SMARCA1: variants seen among roughly 807,000 people sequenced by gnomAD.
SMARCA1 encodes SNF2 related chromatin remodeling ATPase 1, also known as SWI/SNF-related matrix-associated actin-dependent regulator of chromatin subfamily A member 1.
A neutral mutation model predicts 93.6 loss-of-function variants in SMARCA1; 17 were observed. That is an observed-to-expected ratio of 0.18 (90% CI 0.12 to 0.27). The LOEUF is 0.27. Ranked by LOEUF, SMARCA1 falls within the 10% of genes least tolerant of loss-of-function variation. The probability of loss-of-function intolerance (pLI) is 1.00; values close to 1 mark genes in which losing one functional copy is unlikely to be tolerated. For missense variants in SMARCA1, 630 were observed against 819.0 expected, an observed-to-expected ratio of 0.77 and a Z score of 2.82; for synonymous variants, 271 against 271.4, an observed-to-expected ratio of 1.00 and a Z score of 0.01.
intron 16 of SMARCA1, 70 bp from the exon 17 acceptor site, chrX:129,487,207 C>T: frequency 1.3e-6 from 1 of 765,576 alleles, no homozygotes; most frequent in Non-Finnish European, 1.9e-6. Flanking sequence ...GATTCTCTAC[C>T]TTTTTAATAG....
At chrX:129,474,122 C>G (rs5977088) in intron 19 of SMARCA1, among the ~76,000 whole-genome samples, 36,339 of 110,177 alleles carry the variant, frequency 0.33, 6,538 homozygotes, top group African/African-American at 0.7. Flanking sequence ...AAGCAAATAC[C>G]ATAAGATGTA....
chrX:129,492,942 G>A (rs1160996306), intron 13 of SMARCA1, 98 bp downstream of exon 13: 13 of 333,232 alleles, frequency 3.9e-5, no homozygotes, highest in East Asian at 4.5e-5. Context: ...GCGGTGAGAC[G>A]GGCACTCTCA....
intron 2 of SMARCA1, among the ~76,000 whole-genome samples, chrX:129,517,774 G>A (rs773743235): frequency 9.0e-6 from 1 of 111,049 alleles, no homozygotes; most frequent in Non-Finnish European, 1.9e-5. Flanking sequence ...GCTAAAATAT[G>A]TATTTTAGTA....
At chrX:129,454,969 G>A (rs948319865) in intron 23 of SMARCA1, among the ~76,000 whole-genome samples, 6 of 111,887 alleles carry the variant, frequency 5.4e-5, no homozygotes, top group African/African-American at 2.0e-4. Flanking sequence ...ATGCTGGAGA[G>A]GATGTGGAGA....
intron 23 of SMARCA1, among the ~76,000 whole-genome samples, chrX:129,459,669 T>C (rs1033346735): frequency 2.7e-5 from 3 of 111,652 alleles, no homozygotes; most frequent in Non-Finnish European, 5.7e-5. Context: ...TAGAAAAAGG[T>C]AGATTAAAGG....
rs191026590 is a variant in SMARCA1 at position 129,447,677 on chromosome X, G to A, written c.3142-444C>T. 1.1e-3 allele frequency among the ~76,000 whole-genome samples: 124 copies of A among 111,452 alleles called. 1 individual carries two copies. Among genetic ancestry groups the A allele is most frequent in the African/African-American group, 3.9e-3 (121 of 30,731 alleles). ...AATCAGGATGCAACTTACAACTGAT[G>A]ACAAATTACACCTGGCAGCATTTTC... On this transcript the variant is annotated intron_variant, in intron 24 of 24. Coordinates refer to ENST00000371121, the MANE Select transcript of SMARCA1 (RefSeq NM_001282874.2).
chrX:129,484,457 A>T (rs1480364038), intron 17 of SMARCA1, among the ~76,000 whole-genome samples: 1 of 111,812 alleles, frequency 8.9e-6, no homozygotes, highest in Non-Finnish European at 1.9e-5. Flanking sequence ...TATCAGAAGC[A>T]GTAACAGAAA....
At position 129,448,332 on chromosome X, in the gene SMARCA1, C is replaced by T; in HGVS notation, c.3141+1G>A. 8.3e-7 allele frequency: 1 copy of T among 1,203,959 alleles called. No individual in the cohort carries two copies. Among genetic ancestry groups the T allele is most frequent in the Non-Finnish European group, 1.1e-6 (1 of 890,473 alleles). On this transcript the variant is annotated splice_donor_variant, in intron 24 of 24. Transcript: ENST00000371121. LOFTEE classifies it high-confidence loss of function. ...AGTTAGGAAAATGCTGAAAATTTTA[C>T]CATTGGAGTTTTAGTTGCCCGTTTC...
chrX:129,502,494 G>A (rs1225896886), intron 9 of SMARCA1, among the ~76,000 whole-genome samples: 1 of 111,705 alleles, frequency 9.0e-6, no homozygotes, highest in East Asian at 2.8e-4. Flanking sequence ...ACCAAAAAGC[G>A]TACCCTGAAT....
chrX:129,464,120 ACT>A (rs1305645796), intron 23 of SMARCA1, among the ~76,000 whole-genome samples: 2 of 111,883 alleles, frequency 1.8e-5, no homozygotes, highest in Admixed American at 9.5e-5. Flanking sequence ...TACTCCACAC[ACT>A]CTAAATTTGT....
At chrX:129,468,237 G>A (rs1338912045) in intron 21 of SMARCA1, among the ~76,000 whole-genome samples, 6 of 112,341 alleles carry the variant, frequency 5.3e-5, no homozygotes, top group Non-Finnish European at 9.4e-5. Context: ...AAGAGAGGGA[G>A]AGGATTTGAG....
chrX:129,488,888 T>C, intron 16 of SMARCA1, 49 bp downstream of exon 16: 3 of 830,765 alleles, frequency 3.6e-6, no homozygotes, highest in Non-Finnish European at 5.3e-6. Flanking sequence ...CTGAAGTATG[T>C]TGATATTAAA....
At chrX:129,487,223 T>C in intron 16 of SMARCA1, 86 bp from the exon 17 acceptor site, 1 of 668,065 alleles carries the variant, frequency 1.5e-6, no homozygotes, top group East Asian at 3.5e-5. Flanking sequence ...AATAGTCAGG[T>C]TTTGACATGA....
At chrX:129,507,578 G>A (rs779415257) in intron 7 of SMARCA1, among the ~76,000 whole-genome samples, 26 of 112,151 alleles carry the variant, frequency 2.3e-4, no homozygotes, top group Non-Finnish European at 3.8e-4. Context: ...TTCTTGAGAC[G>A]GAGTCTCACT....
intron 1 of SMARCA1, among the ~76,000 whole-genome samples, chrX:129,519,999 GT>G (rs1569451774): frequency 9.1e-6 from 1 of 110,108 alleles, no homozygotes; most frequent in Non-Finnish European, 1.9e-5. Flanking sequence ...TTACCTTGCG[GT>G]AGACTACCAT....
At chrX:129,458,120 T>C (rs112259468) in intron 23 of SMARCA1, among the ~76,000 whole-genome samples, 1 of 112,349 alleles carries the variant, frequency 8.9e-6, no homozygotes, top group Non-Finnish European at 1.9e-5. Context: ...AGCTCTGCCA[T>C]TGTAGCACGA....
chrX:129,456,811 G>T (rs941614966), intron 23 of SMARCA1, among the ~76,000 whole-genome samples: 1 of 111,949 alleles, frequency 8.9e-6, no homozygotes, highest in African/African-American at 3.2e-5. Flanking sequence ...TCTTATGGAT[G>T]AACAAAGAAA....
At chrX:129,458,409 T>C (rs1932732600) in intron 23 of SMARCA1, among the ~76,000 whole-genome samples, 1 of 112,301 alleles carries the variant, frequency 8.9e-6, no homozygotes. Context: ...ACTTTTTTAA[T>C]GGTTTATGAT....
At chrX:129,493,965 G>C (rs540920861) in intron 12 of SMARCA1, among the ~76,000 whole-genome samples, 8 of 111,648 alleles carry the variant, frequency 7.2e-5, no homozygotes, top group East Asian at 2.8e-4. Context: ...GGAATCAAAC[G>C]TGGTCTTCTT....
Sources: gnomAD v4.1 joint callset for allele counts (sites outside exome capture counted in the v4.1 genomes callset) on GRCh38, gnomAD v4.1.1 for gene constraint, MANE v1.5 for transcripts, NCBI Gene and HGNC (gene_info 2026-07-23, HGNC 2026-07-21) for gene names.